The following ROR2 variants were observed in gnomAD, a reference collection of about 807,000 sequenced individuals.
ROR2 encodes the protein tyrosine-protein kinase transmembrane receptor ROR2.
In ROR2, 33 loss-of-function variants were observed where a neutral mutation model predicts 74.9. The ratio of observed to expected loss-of-function variants is 0.44; its 90% CI spans 0.33 to 0.59. ROR2 has a LOEUF of 0.59. Among genes scored for constraint, ROR2 ranks in the 20% least tolerant of loss-of-function variants. ROR2 has a pLI of 0.02. For missense variants in ROR2, 1,216 were observed against 1,313.8 expected (o/e 0.93, Z 1.15); for synonymous variants, 586 against 558.7 (o/e 1.05, Z -0.69).
At position 91,733,497 on chromosome 9, in the gene ROR2, C is replaced by T; in HGVS notation, c.623-61G>A. The T allele has an allele frequency of 1.3e-6, 2 of 1,524,556 alleles. No homozygotes were observed. Among genetic ancestry groups the T allele is most frequent in the South Asian group, 2.4e-5 (2 of 83,078 alleles). 94.4% of individuals were successfully genotyped at this position (1,524,556 alleles called of 1,614,324 possible). ...CCACCTTGCGCCCTTGACATTCATC[C>T]AGTCCCCACCCCCAGCCTGGCATCC... is the stretch of plus-strand genomic sequence containing the variant. On this transcript the variant is annotated intron_variant, in intron 5 of 8. Coordinates refer to ENST00000375708, the MANE Select transcript of ROR2 (RefSeq NM_004560.4). The surrounding 1 kb of genome is among the most constrained non-coding windows in gnomAD (Gnocchi z 5.7).
At chr9:91,852,280 A>T (rs981370909) in intron 1 of ROR2, among the ~76,000 whole-genome samples, 1 of 152,210 alleles carries the variant, frequency 6.6e-6, no homozygotes, top group Non-Finnish European at 1.5e-5. Flanking sequence ...AACCAACCAC[A>T]ACTAATGAGA....
At chr9:91,778,475 A>G (rs1826498870) in intron 1 of ROR2, among the ~76,000 whole-genome samples, 1 of 152,156 alleles carries the variant, frequency 6.6e-6, no homozygotes. Flanking sequence ...CTTGCACCCC[A>G]GCTAGATGAT....
intron 5 of ROR2, among the ~76,000 whole-genome samples, chr9:91,736,278 G>A (rs754585081): frequency 6.6e-6 from 1 of 152,150 alleles, no homozygotes; most frequent in African/African-American, 2.4e-5. Context: ...CATGGGCCAG[G>A]CAGTCTCTTC....
chr9:91,926,377 C>T (rs1478258160), intron 1 of ROR2, among the ~76,000 whole-genome samples: 4 of 125,032 alleles, frequency 3.2e-5, no homozygotes, highest in African/African-American at 7.1e-5. Flanking sequence ...AGCAAGACTC[C>T]GTCTCAAAAA....
intron 1 of ROR2, among the ~76,000 whole-genome samples, chr9:91,909,074 C>A (rs1325581883): frequency 6.6e-6 from 1 of 152,208 alleles, no homozygotes. Context: ...CAACATGCTG[C>A]TTTGCCAGAA....
intron 1 of ROR2, among the ~76,000 whole-genome samples, chr9:91,930,131 C>G (rs1397205890): frequency 6.6e-6 from 1 of 152,158 alleles, no homozygotes; most frequent in Non-Finnish European, 1.5e-5. Context: ...CCCTGAAAAG[C>G]AGAGATTCTC....
intron 1 of ROR2, among the ~76,000 whole-genome samples, chr9:91,780,792 A>G (rs1013539149): frequency 2.0e-5 from 3 of 152,188 alleles, no homozygotes; most frequent in African/African-American, 7.2e-5. Context: ...CTCCATCTCA[A>G]AAAAAAGATA....
At chr9:91,891,566 G>T (rs761606726) in intron 1 of ROR2, among the ~76,000 whole-genome samples, 2 of 152,022 alleles carry the variant, frequency 1.3e-5, no homozygotes, top group African/African-American at 2.4e-5. Flanking sequence ...ACCGCACCCG[G>T]CCCTAGCTGT....
chr9:91,829,648 AGAAAGT>A (rs1828400597), intron 1 of ROR2, among the ~76,000 whole-genome samples: 1 of 152,058 alleles, frequency 6.6e-6, no homozygotes. Context: ...ACCAAGGGAA[AGAAAGT>A]TGTAAATAAC....
chr9:91,887,624 T>C (rs1008257763), intron 1 of ROR2, among the ~76,000 whole-genome samples: 5 of 152,148 alleles, frequency 3.3e-5, no homozygotes, highest in African/African-American at 1.2e-4. Flanking sequence ...CGCCCTTATC[T>C]GAGGGGTTCT....
At chr9:91,911,682 C>G (rs955032607) in intron 1 of ROR2, among the ~76,000 whole-genome samples, 3 of 151,930 alleles carry the variant, frequency 2.0e-5, no homozygotes, top group Non-Finnish European at 4.4e-5. Context: ...CAGATGGAGG[C>G]TAGAATTAGT....
At chr9:91,788,764 C>T (rs560437104) in intron 1 of ROR2, among the ~76,000 whole-genome samples, 1 of 151,028 alleles carries the variant, frequency 6.6e-6, no homozygotes, top group South Asian at 2.1e-4. Flanking sequence ...ACTCAGGAGG[C>T]TGAGGTGGAG....
intron 1 of ROR2, among the ~76,000 whole-genome samples, chr9:91,788,273 AAAG>A (rs1254118819): frequency 1.1e-4 from 17 of 152,312 alleles, no homozygotes; most frequent in African/African-American, 3.8e-4. Context: ...AAGAGAAGAG[AAAG>A]AAGGAGAAAA....
At chr9:91,890,406 C>T (rs1830395452) in intron 1 of ROR2, among the ~76,000 whole-genome samples, 1 of 152,160 alleles carries the variant, frequency 6.6e-6, no homozygotes, top group South Asian at 2.1e-4. Context: ...ACTTCTCATA[C>T]CTTTTGGGAT....
rs1206817773 is a variant in ROR2 at position 91,905,187 on chromosome 9, A to G, written c.97+44680T>C. ...ACACCACACAACACATACCATACAC[A>G]ACACATACACAAACACCACATATAC... On this transcript the variant is annotated intron_variant, in intron 1 of 8. Coordinates refer to ENST00000375708, the MANE Select transcript of ROR2 (RefSeq NM_004560.4). The surrounding 1 kb of genome is among the most constrained non-coding windows in gnomAD (Gnocchi z 5.3). Among the ~76,000 whole-genome samples the G allele has an allele frequency of 2.6e-5, 4 of 151,858 alleles. No individual in the cohort carries two copies. Among genetic ancestry groups the G allele is most frequent in the Non-Finnish European group, 5.9e-5 (4 of 67,946 alleles).
chr9:91,756,148 G>A, intron 3 of ROR2, 47 bp from the exon 4 acceptor site: 1 of 1,592,180 alleles, frequency 6.3e-7, no homozygotes, highest in Non-Finnish European at 8.6e-7. Context: ...TCCATGATTT[G>A]GAATACAACC....
At position 91,726,608 on chromosome 9, in the gene ROR2, T is replaced by A; in HGVS notation, c.1319A>T (p.Gln440Leu). 1 of 1,613,922 alleles carries A rather than the reference T, an allele frequency of 6.2e-7. No individual in the cohort carries two copies. The highest frequency in any genetic ancestry group is 8.5e-7 in the Non-Finnish European group (1 of 1,180,044). The stretch of plus-strand genomic sequence containing the variant: ...GGGCGAGGCCATCAGCTGTCGCCGC[T>A]GCGGTGTGGACGCAGATGCCTTCTG... Reference protein sequence around the residue: ...NKQKASASTPQRRQLMASPSQ... With the variant: ...NKQKASASTPLRRQLMASPSQ... The change falls in exon 8 of 9, where the codon CAG (glutamine) becomes CTG (leucine). Residue 440 changes from glutamine to leucine, a missense_variant. Coordinates refer to ENST00000375708, the MANE Select transcript of ROR2 (RefSeq NM_004560.4).
In ROR2 at chr9:91,723,989, G is replaced by A. The variant is rs1441968720; in HGVS notation, c.2505C>T (p.Pro835=). ...QPVPAYGAYL[P]NFYPVQIPMQ... The stretch of plus-strand genomic sequence containing the variant: ...TTGGGATCTGCACCGGGTAGAAGTT[G>A]GGCAGGTAGGCCCCATAGGCCGGCA... Residue 835 remains proline, a synonymous_variant, in exon 9 of 9, where the codon CCC becomes CCT. Coordinates refer to ENST00000375708, the MANE Select transcript of ROR2 (RefSeq NM_004560.4). 1 of 1,612,938 alleles carries A rather than the reference G, an allele frequency of 6.2e-7. No homozygotes were observed. The highest frequency in any genetic ancestry group is 1.1e-5 in the South Asian group (1 of 91,090).
intron 1 of ROR2, among the ~76,000 whole-genome samples, chr9:91,784,231 C>T (rs1369931765): frequency 2.6e-5 from 4 of 152,194 alleles, no homozygotes; most frequent in African/African-American, 9.6e-5. Flanking sequence ...TGACTCCTTT[C>T]CTCTCAAATC....
Sources: gnomAD v4.1 joint callset for allele counts (sites outside exome capture counted in the v4.1 genomes callset) on GRCh38, gnomAD v4.1.1 for gene constraint, Gnocchi (gnomAD v3.1) non-coding constraint, MANE v1.5 for transcripts, NCBI Gene and HGNC (gene_info 2026-07-23, HGNC 2026-07-21) for gene names.